The following PLTP variants were observed in gnomAD, a reference collection of about 807,000 sequenced individuals.
The protein encoded by PLTP is BPI fold containing family E.
PLTP carries 43 observed loss-of-function variants against 54.1 expected under a neutral mutation model. That is an observed-to-expected ratio of 0.79 (90% confidence interval 0.62 to 1.02). The LOEUF is 1.02. PLTP is among the 50% of genes least tolerant of loss of function. The pLI is 0.00. For synonymous variants in PLTP, 263 were observed against 264.6 expected (o/e 0.99, Z 0.06); for missense variants, 604 against 645.9 (o/e 0.94, Z 0.70).
At chr20:45,908,736 A>T (rs889974603) in intron 5 of PLTP, among the ~76,000 whole-genome samples, 4 of 151,904 alleles carry the variant, frequency 2.6e-5, no homozygotes, top group African/African-American at 4.8e-5. Context: ...CAGGAGGTGG[A>T]GGTTGCAGTA....
intron 10 of PLTP, among the ~76,000 whole-genome samples, chr20:45,903,182 C>T (rs919011855): frequency 2.0e-5 from 3 of 151,408 alleles, no homozygotes; most frequent in African/African-American, 7.3e-5. Flanking sequence ...ACACCCAAAC[C>T]CCTTGCCATA....
rs1240889623 is a variant in PLTP at position 45,905,102 on chromosome 20, AG to A, written c.721del (p.Leu241Ter). The part of the protein sequence containing the change: ...DMDFRGAFFP[L>X]TERNWSLPNR... ...GGGGAGGCTCCAGTTCCTCTCAGTC[AG>A]GGGGAAGAAGGCCCCCTGGGGTGGG... On this transcript the variant is annotated frameshift_variant, in exon 9 of 16. Transcript: ENST00000372431. LOFTEE classifies it high-confidence loss of function. 6.2e-7 allele frequency: 1 copy of A among 1,614,100 alleles called. No individual in the cohort carries two copies.
In PLTP at chr20:45,911,266, A is replaced by G. The variant is rs2083288909; in HGVS notation, c.101-15T>C. 1.2e-6 allele frequency: 2 copies of G among 1,613,890 alleles called. No homozygotes were observed. Among genetic ancestry groups the G allele is most frequent in the Non-Finnish European group, 1.7e-6 (2 of 1,179,774 alleles). Reference sequence around the variant, plus strand: ...CTCCTGCTTCACTGAAGCAGCAGAGAAACCCTTACTTAGCTCCCGTGCCCA... The same window carrying G: ...CTCCTGCTTCACTGAAGCAGCAGAGGAACCCTTACTTAGCTCCCGTGCCCA... On this transcript the variant is annotated splice_polypyrimidine_tract_variant and intron_variant, in intron 2 of 15. Coordinates refer to ENST00000372431, the MANE Select transcript of PLTP (RefSeq NM_006227.4).
At chr20:45,903,677 G>A (rs1172547848) in intron 10 of PLTP, among the ~76,000 whole-genome samples, 5 of 152,108 alleles carry the variant, frequency 3.3e-5, no homozygotes, top group East Asian at 1.9e-4. Flanking sequence ...ATGTGAGGCC[G>A]ATATTATTAC....
At chr20:45,904,729 G>T in intron 10 of PLTP, 71 bp downstream of exon 10, 1 of 1,501,062 alleles carries the variant, frequency 6.7e-7, no homozygotes, top group Non-Finnish European at 9.3e-7. Context: ...GCCACTGGGG[G>T]CCCCACCTGC....
Position 45,899,665 on chromosome 20 carries a change from A to AG in PLTP, c.1238dup (p.Leu414SerfsTer15), listed in dbSNP as rs751675304. The stretch of plus-strand genomic sequence containing the variant: ...CCCCAATCTGCAGCATGGTCTTCAG[A>AG]GGGGCCTGTAATGGGATCAGCTGGG... On this transcript the variant is annotated frameshift_variant, in exon 14 of 16. Coordinates refer to ENST00000372431, the MANE Select transcript of PLTP (RefSeq NM_006227.4). LOFTEE classifies it high-confidence loss of function. The AG allele has an allele frequency of 1.2e-6, 2 of 1,613,576 alleles. No individual in the cohort carries two copies. The highest frequency in any genetic ancestry group is 1.3e-5 in the African/African-American group (1 of 74,734).
rs2145825820 is a variant in PLTP at position 45,898,657 on chromosome 20, C to T, written c.*284G>A. On this transcript the variant is annotated 3_prime_UTR_variant, in exon 16 of 16. Coordinates refer to ENST00000372431, the MANE Select transcript of PLTP (RefSeq NM_006227.4). The surrounding 1 kb of genome is among the most constrained non-coding windows in gnomAD (Gnocchi z 4.6). ...TTAGCACTTTATTCCCGCAGCAGTT[C>T]CTGAATGGGGTGGCCTGGCCCCTTC... 1.0e-5 allele frequency: 7 copies of T among 685,404 alleles called. No individual in the cohort carries two copies. In the East Asian group the frequency reaches 1.9e-4, roughly 19 times the overall value. 42.5% of individuals were successfully genotyped at this position (685,404 alleles called of 1,614,324 possible). A position where few individuals can be genotyped will look rare whatever the true frequency, so the allele number is the denominator to read the frequency against.
chr20:45,906,126 G>A, intron 8 of PLTP, 142 bp downstream of exon 8: 1 of 717,460 alleles, frequency 1.4e-6, no homozygotes, highest in South Asian at 1.5e-5. Context: ...ACCTAATTCT[G>A]TAGTAACAGG....
chr20:45,911,193 G>A lies in PLTP; in HGVS notation c.159C>T (p.Asp53=). The A allele has an allele frequency of 6.2e-7, 1 of 1,614,126 alleles. No individual in the cohort carries two copies. Among genetic ancestry groups the A allele is most frequent in the Non-Finnish European group, 8.5e-7 (1 of 1,180,010 alleles). Residue 53 remains aspartate (D), a synonymous_variant, in exon 3 of 16, where the codon GAC becomes GAT. Coordinates refer to ENST00000372431, the MANE Select transcript of PLTP (RefSeq NM_006227.4). ...AGAAGTGGCCTTCTTTGCCCCGCAG[G>A]TCCGGAATGGTGATAGTCTCCAGCT... ...EQELETITIP[D]LRGKEGHFYY...
At chr20:45,910,723 C>T (rs1432617517) in intron 3 of PLTP, 8 of 706,676 alleles carry the variant, frequency 1.1e-5, no homozygotes, top group Non-Finnish European at 1.5e-5. Context: ...GCCTCCATCA[C>T]CTAAGCTCCG....
intron 5 of PLTP, among the ~76,000 whole-genome samples, 185 bp downstream of exon 5, chr20:45,909,331 T>G (rs1236255288): frequency 6.6e-6 from 1 of 150,932 alleles, no homozygotes; most frequent in Non-Finnish European, 1.5e-5. Context: ...AATAGGATCT[T>G]ATAAAATGAG....
rs182346768 is a variant in PLTP at position 45,906,743 on chromosome 20, T to C, written c.614-384A>G. On this transcript the variant is annotated intron_variant, in intron 7 of 15. Transcript: ENST00000372431. ...CCGTCTCTACTAAAAATACAAAAAT[T>C]AGTTGGGCATGGTGGTGGGCGCCTG... 2.0e-3 allele frequency among the ~76,000 whole-genome samples: 283 copies of C among 140,802 alleles called. 6 individuals carry two copies. The highest frequency in any genetic ancestry group is 6.6e-3 in the African/African-American group (264 of 40,078). The allele number at this position is 140,802 out of a possible 152,430, so 92.4% of individuals were successfully genotyped here.
Position 45,899,024 on chromosome 20 carries a change from C to G in PLTP, c.1399G>C (p.Gly467Arg). Reference protein sequence around the residue: ...TIGADLHFAKGLREVIEKNRP... With the variant: ...TIGADLHFAKRLREVIEKNRP... ...TTCTTCTCAATCACCTCTCGCAGCC[C>G]TTTGGCAAAGTGGAGATCAGCCCCG... Residue 467 changes from glycine to arginine, a missense_variant, in exon 16 of 16, where the codon GGG becomes CGG. Gly to Arg is a moderately radical substitution (Grantham distance 125, BLOSUM62 -2). Coordinates refer to ENST00000372431, the MANE Select transcript of PLTP (RefSeq NM_006227.4). The G allele has an allele frequency of 6.2e-7, 1 of 1,614,164 alleles. No homozygotes were observed.
In PLTP at chr20:45,909,051, G is replaced by A. The variant is rs8122812; in HGVS notation, c.485+465C>T. Among the ~76,000 whole-genome samples the A allele has an allele frequency of 6.5e-5, 9 of 138,136 alleles. No homozygotes were observed. The East Asian group carries it at 7.1e-4, about 11-fold the overall frequency. The allele number at this position is 138,136 out of a possible 152,430, so 90.6% of individuals were successfully genotyped here. A position where few individuals can be genotyped will look rare whatever the true frequency, so the allele number is the denominator to read the frequency against. On this transcript the variant is annotated intron_variant, in intron 5 of 15. Transcript: ENST00000372431. ...ACGATCTCAGCTCACTGCAACCTCCGCCTCCCGGGTTCAAGCGATTCTCCT... is the reference window on the plus strand; with the variant it reads ...ACGATCTCAGCTCACTGCAACCTCCACCTCCCGGGTTCAAGCGATTCTCCT...
intron 3 of PLTP, chr20:45,910,783 A>C: frequency 3.6e-6 from 4 of 1,123,134 alleles, no homozygotes; most frequent in Non-Finnish European, 4.5e-6. Context: ...AACCATACTT[A>C]GAGCCTTCAG....
chr20:45,911,224 T>C lies in PLTP; in HGVS notation c.128A>G (p.Glu43Gly). 1.9e-6 allele frequency: 3 copies of C among 1,614,150 alleles called. No homozygotes were observed. Among genetic ancestry groups the C allele is most frequent in the Non-Finnish European group, 2.5e-6 (3 of 1,179,994 alleles). The change falls in exon 3 of 16, where the codon GAG becomes GGG. Residue 43 changes from glutamate (E) to glycine (G), a missense_variant. Coordinates refer to ENST00000372431, the MANE Select transcript of PLTP (RefSeq NM_006227.4). ...AATGGTGATAGTCTCCAGCTCTTGC[T>C]CCAGAAAGCGCAGCCCCTCCTGCTT... ...LVKQEGLRFL[E>G]QELETITIPD...
At chr20:45,907,350 A>C (rs1389195442) in intron 7 of PLTP, among the ~76,000 whole-genome samples, 3 of 150,902 alleles carry the variant, frequency 2.0e-5, no homozygotes, top group Non-Finnish European at 3.0e-5. Context: ...AAAAAAAAAG[A>C]AAGAAAAAGA....
chr20:45,901,693 G>A (rs2045444707), intron 12 of PLTP, among the ~76,000 whole-genome samples: 1 of 152,072 alleles, frequency 6.6e-6, no homozygotes, highest in South Asian at 2.1e-4. Flanking sequence ...CCTGAGGTCA[G>A]GAGTTTGAGA....
Position 45,898,932 on chromosome 20 carries a change from A to G in PLTP, c.*9T>C. 6.2e-7 allele frequency: 1 copy of G among 1,613,220 alleles called. No individual in the cohort carries two copies. The highest frequency in any genetic ancestry group is 8.5e-7 in the Non-Finnish European group (1 of 1,179,352). ...CTGAATGACAGCTGCCAGCTTGGGG[A>G]TTGAGGGCTCAGACAGCTGCTGTGG... On this transcript the variant is annotated 3_prime_UTR_variant, in exon 16 of 16. Coordinates refer to ENST00000372431, the MANE Select transcript of PLTP (RefSeq NM_006227.4). The surrounding 1 kb of genome is among the most constrained non-coding windows in gnomAD (Gnocchi z 4.6).
Sources: allele counts gnomAD v4.1 joint callset (sites outside exome capture counted in the v4.1 genomes callset), GRCh38; gene constraint gnomAD v4.1.1; non-coding constraint Gnocchi (gnomAD v3.1); transcripts MANE v1.5; gene names NCBI Gene and HGNC (gene_info 2026-07-23, HGNC 2026-07-21).